The following SDK1 variants were observed in gnomAD, a reference collection of about 807,000 sequenced individuals.
SDK1 encodes protein sidekick-1.
SDK1 carries 157 observed loss-of-function variants against 245.5 expected under a neutral mutation model. The ratio of observed to expected loss-of-function variants is 0.64; its 90% confidence interval spans 0.56 to 0.73. The LOEUF (loss-of-function observed/expected upper bound fraction) is 0.73, where lower values mean the gene tolerates loss of function less well. Among genes scored for constraint, SDK1 ranks in the 30% least tolerant of loss-of-function variants. SDK1 has a pLI of 0.00. For synonymous variants in SDK1, 1,647 were observed against 1,278.5 expected (o/e 1.29, Z -6.15); for missense variants, 3,583 against 3,002.3 (o/e 1.19, Z -4.52).
In SDK1 at chr7:3,477,704, G is replaced by C. The variant is rs538553645; in HGVS notation, c.299-141376G>C. On this transcript the variant is annotated intron_variant, in intron 1 of 44. Transcript: ENST00000404826. ...AATTTTTAATTTTTTTGTGGAGATA[G>C]AGTCCCACTATGTTGTTCAGGCTTG... Among the ~76,000 whole-genome samples the C allele has an allele frequency of 1.6e-4, 25 of 151,970 alleles. No homozygotes were observed. The East Asian group carries it at 2.5e-3, about 15-fold the overall frequency.
At chr7:3,938,161 A>C (rs1191312200) in intron 5 of SDK1, among the ~76,000 whole-genome samples, 1 of 152,188 alleles carries the variant, frequency 6.6e-6, no homozygotes, top group Non-Finnish European at 1.5e-5. Context: ...TATCACAGCT[A>C]AAAGTGATCT....
chr7:3,883,889 C>T (rs533664952), intron 5 of SDK1, among the ~76,000 whole-genome samples: 3 of 152,226 alleles, frequency 2.0e-5, no homozygotes, highest in African/African-American at 7.2e-5. Flanking sequence ...CACATGGCCT[C>T]AATATTCCTA....
At chr7:3,692,601 G>A (rs1444439809) in intron 4 of SDK1, among the ~76,000 whole-genome samples, 3 of 151,900 alleles carry the variant, frequency 2.0e-5, no homozygotes, top group African/African-American at 7.3e-5. Context: ...AAACTGATGT[G>A]ATAAAAATAT....
intron 7 of SDK1, among the ~76,000 whole-genome samples, chr7:3,953,798 A>G (rs60946559): frequency 0.11 from 17,446 of 152,240 alleles, 1,419 homozygotes; most frequent in African/African-American, 0.23. Context: ...AAAGGTACAC[A>G]AACACACTTC....
chr7:4,083,843 G>T (rs548062701), intron 22 of SDK1, among the ~76,000 whole-genome samples: 23 of 110,164 alleles, frequency 2.1e-4, no homozygotes, highest in Non-Finnish European at 3.9e-4. Context: ...CTCTCTCTCT[G>T]TCTGTCTCCC....
chr7:3,351,506 G>A (rs921334439), intron 1 of SDK1, among the ~76,000 whole-genome samples: 7 of 152,190 alleles, frequency 4.6e-5, no homozygotes, highest in Non-Finnish European at 7.4e-5. Context: ...TAAAAGACAC[G>A]TCAGATTGGA....
rs71029672 is a variant in SDK1, at chr7:3,435,321, C to CTTTT, written c.298+133461_298+133464dup. On this transcript the variant is annotated intron_variant, in intron 1 of 44. Coordinates refer to ENST00000404826, the MANE Select transcript of SDK1 (RefSeq NM_152744.4). ...ATACTTGACTTATGAAGGGGACTGC[C>CTTTT]TTTTTTTTTTTTTTTTTTTTTTTTT... is the stretch of plus-strand genomic sequence containing the variant. Among the ~76,000 whole-genome samples, 34 of 56,898 alleles carry CTTTT rather than the reference C, an allele frequency of 6.0e-4. 1 individual carries two copies. Among genetic ancestry groups the CTTTT allele is most frequent in the African/African-American group, 2.5e-3 (27 of 10,994 alleles). 37.3% of individuals were successfully genotyped at this position (56,898 alleles called of 152,430 possible). A position where few individuals can be genotyped will look rare whatever the true frequency, so the allele number is the denominator to read the frequency against.
At chr7:3,953,602 G>A (rs543239071) in intron 7 of SDK1, among the ~76,000 whole-genome samples, 3 of 152,260 alleles carry the variant, frequency 2.0e-5, no homozygotes, top group South Asian at 4.1e-4. Context: ...GGACTATACC[G>A]TGTTCAAACA....
chr7:3,853,813 A>T (rs1442354992), intron 5 of SDK1, among the ~76,000 whole-genome samples: 4 of 151,836 alleles, frequency 2.6e-5, no homozygotes, highest in Admixed American at 1.3e-4. Flanking sequence ...ACATGGTGAA[A>T]CCTCCTCTCT....
chr7:3,690,604 A>G (rs1426152453), intron 4 of SDK1, among the ~76,000 whole-genome samples: 1 of 152,190 alleles, frequency 6.6e-6, no homozygotes, highest in Non-Finnish European at 1.5e-5. Flanking sequence ...ATAAGATCAT[A>G]GTATAGCTTT....
chr7:4,213,066 G>C (rs1011628380), intron 38 of SDK1, among the ~76,000 whole-genome samples: 4 of 152,154 alleles, frequency 2.6e-5, no homozygotes, highest in African/African-American at 9.7e-5. Flanking sequence ...GGATCACAAG[G>C]TCAAGAGATC....
intron 25 of SDK1, among the ~76,000 whole-genome samples, chr7:4,120,782 A>C (rs1392172596): frequency 1.3e-5 from 2 of 151,974 alleles, no homozygotes; most frequent in Admixed American, 6.6e-5. Flanking sequence ...ATGACCAGCT[A>C]ATTTTGTATT....
Position 3,654,569 on chromosome 7 carries a change from G to T in SDK1, c.713+12464G>T, listed in dbSNP as rs146375019. Among the ~76,000 whole-genome samples, 30 of 152,322 alleles carry T rather than the reference G, an allele frequency of 2.0e-4. 1 individual carries two copies. In the East Asian group the frequency reaches 5.8e-3, roughly 29 times the overall value. ...GACATCTACACCATCACATGACGCA[G>T]TTGGACTTAATGAAGGTCACTCAAG... On this transcript the variant is annotated intron_variant, in intron 4 of 44. Transcript: ENST00000404826.
chr7:3,579,455 G>C (rs565581686), intron 1 of SDK1, among the ~76,000 whole-genome samples: 1 of 152,256 alleles, frequency 6.6e-6, no homozygotes, highest in Admixed American at 6.5e-5. Context: ...TGCAGAAAAG[G>C]CTTTTGATAA....
In SDK1 at chr7:3,823,757, T is replaced by C. The variant is rs914118709; in HGVS notation, c.847+2174T>C. ...CAAGGCAGTTGATGATATGGACTTA[T>C]TTTAAATCTTAGGACAAAACCTACA... On this transcript the variant is annotated intron_variant, in intron 5 of 44. Transcript: ENST00000404826. Among the ~76,000 whole-genome samples the C allele has an allele frequency of 5.9e-5, 9 of 152,296 alleles. No individual in the cohort carries two copies. The South Asian group carries it at 6.2e-4, about 11-fold the overall frequency.
intron 1 of SDK1, among the ~76,000 whole-genome samples, chr7:3,441,521 T>C (rs75679908): frequency 2.3e-3 from 354 of 152,320 alleles, no homozygotes; most frequent in African/African-American, 8.1e-3. Flanking sequence ...CACTTGTCCA[T>C]GTATGTGTGG....
chr7:4,017,449 A>C, intron 17 of SDK1, 97 bp downstream of exon 17: 1 of 1,090,132 alleles, frequency 9.2e-7, no homozygotes, highest in Non-Finnish European at 1.3e-6. Flanking sequence ...AAAACAGAGA[A>C]TCCAGTCCCC....
chr7:3,508,848 A>G (rs1307275080), intron 1 of SDK1, among the ~76,000 whole-genome samples: 1 of 152,156 alleles, frequency 6.6e-6, no homozygotes, highest in African/African-American at 2.4e-5. Context: ...GGTGCTCAAT[A>G]AGTATTTGGG....
At chr7:3,614,759 T>G (rs1186910239) in intron 1 of SDK1, among the ~76,000 whole-genome samples, 1 of 152,250 alleles carries the variant, frequency 6.6e-6, no homozygotes, top group Non-Finnish European at 1.5e-5. Context: ...GTCGTTATGA[T>G]TTTAATTTGA....
Sources: gnomAD v4.1 joint callset for allele counts (sites outside exome capture counted in the v4.1 genomes callset) on GRCh38, gnomAD v4.1.1 for gene constraint, MANE v1.5 for transcripts, NCBI Gene and HGNC (gene_info 2026-07-23, HGNC 2026-07-21) for gene names.